DARS2: variants seen among roughly 807,000 people sequenced by gnomAD.
The protein encoded by DARS2 is aspartyl-tRNA synthetase 2, mitochondrial.
A neutral mutation model predicts 83.0 loss-of-function variants in DARS2; 63 were observed. The ratio of observed to expected loss-of-function variants is 0.76; its 90% CI spans 0.62 to 0.94. The LOEUF is 0.94. DARS2 is among the 40% of genes least tolerant of loss of function. The probability of loss-of-function intolerance (pLI) is 0.00; values close to 1 mark genes in which losing one functional copy is unlikely to be tolerated. For missense variants in DARS2, 675 were observed against 774.4 expected, an observed-to-expected ratio of 0.87 and a Z score of 1.52; for synonymous variants, 250 against 269.3, an observed-to-expected ratio of 0.93 and a Z score of 0.70.
At chr1:173,834,662 A>C (rs1652909249) in intron 7 of DARS2, 143 bp downstream of exon 7, 1 of 440,278 alleles carries the variant, frequency 2.3e-6, no homozygotes, top group South Asian at 4.3e-5. Context: ...AAGAATTGAG[A>C]AAATTATTTG....
intron 12 of DARS2, among the ~76,000 whole-genome samples, chr1:173,846,423 T>C (rs185102748): frequency 6.6e-6 from 1 of 151,956 alleles, no homozygotes; most frequent in Admixed American, 6.6e-5. Context: ...GCCCAGGAGT[T>C]CAAGGCTGCA....
intron 11 of DARS2, 106 bp from the exon 12 acceptor site, chr1:173,845,122 CT>C: frequency 2.6e-6 from 2 of 765,002 alleles, no homozygotes; most frequent in Non-Finnish European, 4.6e-6. Flanking sequence ...TTAAATCTTA[CT>C]ATTGTAATAG....
intron 13 of DARS2, chr1:173,852,036 C>G: frequency 1.0e-6 from 1 of 985,374 alleles, no homozygotes; most frequent in East Asian, 1.1e-4. Flanking sequence ...GTGTTTCATT[C>G]TCAGGAAGTT....
chr1:173,836,881 T>G, intron 7 of DARS2, 59 bp from the exon 8 acceptor site: 1 of 1,389,476 alleles, frequency 7.2e-7, no homozygotes, highest in Non-Finnish European at 1.0e-6. Flanking sequence ...TAGTTATACT[T>G]TGGGTTTGTT....
chr1:173,837,823 G>T (rs1385524777), intron 8 of DARS2, among the ~76,000 whole-genome samples: 2 of 151,748 alleles, frequency 1.3e-5, no homozygotes, highest in African/African-American at 2.4e-5. Flanking sequence ...ACCCAAGCTG[G>T]AGTGCAATGG....
intron 2 of DARS2, among the ~76,000 whole-genome samples, chr1:173,827,473 C>T (rs1652626106): frequency 6.6e-6 from 1 of 152,012 alleles, no homozygotes; most frequent in Admixed American, 6.6e-5. Context: ...ACTAAAAATA[C>T]AAAAAAAGTT....
Position 173,837,620 on chromosome 1 carries a change from G to T in DARS2, c.771-570G>T, listed in dbSNP as rs116223720. ...GCTAAAAAAAATGTTTTAATAAAAAGAGCTGGCATGGACTGATTTGCATGC... is the reference window on the plus strand; with the variant it reads ...GCTAAAAAAAATGTTTTAATAAAAATAGCTGGCATGGACTGATTTGCATGC... On this transcript the variant is annotated intron_variant, in intron 8 of 16. Transcript: ENST00000649689. Among the ~76,000 whole-genome samples the T allele has an allele frequency of 4.4e-3, 673 of 152,282 alleles. 3 individuals are homozygous for T. The highest frequency in any genetic ancestry group is 7.6e-3 in the Non-Finnish European group (516 of 68,018).
At chr1:173,852,151 T>G in intron 13 of DARS2, 2 of 985,448 alleles carry the variant, frequency 2.0e-6, no homozygotes, top group South Asian at 4.7e-5. Context: ...GTCCGTTATG[T>G]AGACGTAAAT....
At position 173,828,940 on chromosome 1, in the gene DARS2, GA is replaced by G. The variant is rs201253060; in HGVS notation, c.294+548del. Among the ~76,000 whole-genome samples, 237 of 151,886 alleles carry G rather than the reference GA, an allele frequency of 1.6e-3. No homozygotes were observed. In the East Asian group the frequency reaches 0.024, roughly 16 times the overall value. ...ATTCATTTCAGGATTCTTTTTAACG[GA>G]AAAAAATTGGGAACCACCCAGATGT... is the stretch of plus-strand genomic sequence containing the variant. On this transcript the variant is annotated intron_variant, in intron 3 of 16. Coordinates refer to ENST00000649689, the MANE Select transcript of DARS2 (RefSeq NM_018122.5).
chr1:173,855,573 G>T (rs1209095423), intron 15 of DARS2, among the ~76,000 whole-genome samples: 2 of 152,142 alleles, frequency 1.3e-5, no homozygotes, highest in Admixed American at 6.6e-5. Flanking sequence ...GGGATCAAGC[G>T]ATCCTCCTGC....
chr1:173,856,568 A>C lies in DARS2; in HGVS notation c.1675-98A>C. On this transcript the variant is annotated intron_variant, in intron 15 of 16. Coordinates refer to ENST00000649689, the MANE Select transcript of DARS2 (RefSeq NM_018122.5). ...GGTTAAGTCAGTTTTAGCTGTTTTA[A>C]AACTCAACTTTGTTTCCCCTTTATC... 3.6e-6 allele frequency: 4 copies of C among 1,100,890 alleles called. No homozygotes were observed. In the South Asian group the frequency reaches 5.2e-5, roughly 14 times the overall value. 68.2% of individuals were successfully genotyped at this position (1,100,890 alleles called of 1,614,324 possible).
At chr1:173,846,521 G>A (rs1283416197) in intron 12 of DARS2, among the ~76,000 whole-genome samples, 5 of 150,860 alleles carry the variant, frequency 3.3e-5, no homozygotes, top group South Asian at 2.1e-4. Context: ...AGCCAGGCAC[G>A]GAAGCGCATA....
rs1653030631 is a variant in DARS2, at chr1:173,837,026, G to A, written c.750G>A (p.Leu250=). 6.2e-7 allele frequency: 1 copy of A among 1,613,810 alleles called. No individual in the cohort carries two copies. The highest frequency in any genetic ancestry group is 1.1e-5 in the South Asian group (1 of 91,084). Residue 250 remains leucine (L), a synonymous_variant, in exon 8 of 17, where the codon CTG becomes CTA. Coordinates refer to ENST00000649689, the MANE Select transcript of DARS2 (RefSeq NM_018122.5). ...GTCCTCAACAGTTTAAGCAACTTCT[G>A]ATGGTTGGCGGTTTAGACAGGTGAG... ...PQSPQQFKQL[L]MVGGLDRYFQ...
At chr1:173,854,823 A>G (rs1291150085) in intron 15 of DARS2, among the ~76,000 whole-genome samples, 1 of 152,240 alleles carries the variant, frequency 6.6e-6, no homozygotes, top group Non-Finnish European at 1.5e-5. Context: ...AGGCAGGGAT[A>G]TATTTTAGTG....
At chr1:173,854,549 A>G (rs1653792800) in intron 15 of DARS2, among the ~76,000 whole-genome samples, 1 of 152,240 alleles carries the variant, frequency 6.6e-6, no homozygotes, top group African/African-American at 2.4e-5. Flanking sequence ...GATGAGATTT[A>G]CTGAGGCAAC....
At chr1:173,853,144 AG>A (rs1653736180) in intron 13 of DARS2, among the ~76,000 whole-genome samples, 1 of 152,200 alleles carries the variant, frequency 6.6e-6, no homozygotes, top group East Asian at 1.9e-4. Flanking sequence ...GTACTCACCC[AG>A]TTGGTTGAGT....
At position 173,830,723 on chromosome 1, in the gene DARS2, G is replaced by C; in HGVS notation, c.358G>C (p.Gly120Arg). 6.2e-7 allele frequency: 1 copy of C among 1,614,016 alleles called. No homozygotes were observed. The highest frequency in any genetic ancestry group is 8.5e-7 in the Non-Finnish European group (1 of 1,179,916). The change falls in exon 4 of 17, where the codon GGT becomes CGT. Residue 120 changes from glycine to arginine, a missense_variant. Gly to Arg is a moderately radical substitution (Grantham distance 125). Coordinates refer to ENST00000649689, the MANE Select transcript of DARS2 (RefSeq NM_018122.5). ...APVESVVQVS[G>R]TVISRPAGQE... ...TGTGGAATCTGTGGTGCAAGTGTCT[G>C]GTACAGTCATTTCCCGTCCTGCAGG...
intron 5 of DARS2, among the ~76,000 whole-genome samples, chr1:173,832,567 G>A (rs894890554): frequency 3.9e-5 from 6 of 151,938 alleles, no homozygotes; most frequent in African/African-American, 7.3e-5. Context: ...TCAGGAGTTC[G>A]AGACCAGCCT....
chr1:173,843,348 C>CA (rs1181385427), intron 11 of DARS2, among the ~76,000 whole-genome samples: 2 of 152,100 alleles, frequency 1.3e-5, no homozygotes, highest in African/African-American at 4.8e-5. Flanking sequence ...ATCACGAGGT[C>CA]AGGAGTTCAA....
Sources: allele counts gnomAD v4.1 joint callset (sites outside exome capture counted in the v4.1 genomes callset), GRCh38; gene constraint gnomAD v4.1.1; transcripts MANE v1.5; gene names NCBI Gene and HGNC (gene_info 2026-07-23, HGNC 2026-07-21).